The following MACROD2 variants were observed in gnomAD, a reference collection of about 807,000 sequenced individuals.
The protein encoded by MACROD2 is mono-ADP ribosylhydrolase 2.
A neutral mutation model predicts 70.4 loss-of-function variants in MACROD2; 36 were observed. The observed-to-expected ratio is 0.51, with a 90% CI of 0.39 to 0.68. The LOEUF (loss-of-function observed/expected upper bound fraction) is 0.68. Among genes scored for constraint, MACROD2 ranks in the 30% least tolerant of loss-of-function variants. The pLI is 0.00. For synonymous variants in MACROD2, 172 were observed against 178.8 expected (o/e 0.96, Z 0.30); for missense variants, 496 against 538.4 (o/e 0.92, Z 0.78).
chr20:14,746,581 C>G (rs2071802803), intron 5 of MACROD2, among the ~76,000 whole-genome samples: 1 of 152,122 alleles, frequency 6.6e-6, no homozygotes, highest in Non-Finnish European at 1.5e-5. Context: ...ATCACCCACG[C>G]ATTTCATTCT....
intron 5 of MACROD2, among the ~76,000 whole-genome samples, chr20:15,056,617 T>C (rs2123067320): frequency 6.6e-6 from 1 of 152,068 alleles, no homozygotes; most frequent in East Asian, 1.9e-4. Context: ...GTCCCAATTG[T>C]GTAAATTTAG....
chr20:15,624,467 T>C (rs2049173412), intron 8 of MACROD2, among the ~76,000 whole-genome samples: 1 of 152,184 alleles, frequency 6.6e-6, no homozygotes, highest in Non-Finnish European at 1.5e-5. Flanking sequence ...AGAGAACCTA[T>C]TGTCACCAAT....
At chr20:14,331,932 A>G (rs2082849544) in intron 3 of MACROD2, among the ~76,000 whole-genome samples, 1 of 152,164 alleles carries the variant, frequency 6.6e-6, no homozygotes, top group Non-Finnish European at 1.5e-5. Flanking sequence ...CTGTCCGCCT[A>G]GGCTTGAAAG....
chr20:15,813,668 A>G (rs1032864655), intron 8 of MACROD2, among the ~76,000 whole-genome samples: 2 of 152,104 alleles, frequency 1.3e-5, no homozygotes, highest in African/African-American at 4.8e-5. Context: ...GATCCCAGCT[A>G]CCCAGGAGGC....
chr20:14,064,465 A>G (rs1038867373), intron 2 of MACROD2, among the ~76,000 whole-genome samples: 2 of 152,156 alleles, frequency 1.3e-5, no homozygotes. Flanking sequence ...TTCTTTCCCA[A>G]GCTGGCTCTC....
chr20:16,036,897 C>G (rs755757547), intron 15 of MACROD2, among the ~76,000 whole-genome samples: 3 of 151,996 alleles, frequency 2.0e-5, no homozygotes, highest in Non-Finnish European at 4.4e-5. Context: ...AGGAAAACCT[C>G]ATGTGCACTC....
intron 5 of MACROD2, among the ~76,000 whole-genome samples, chr20:15,026,871 A>G (rs546441985): frequency 6.6e-6 from 1 of 152,338 alleles, no homozygotes; most frequent in African/African-American, 2.4e-5. Flanking sequence ...CTGATGTCTT[A>G]GTGGAAATCA....
intron 5 of MACROD2, among the ~76,000 whole-genome samples, chr20:15,063,837 T>A (rs1336930242): frequency 6.6e-6 from 1 of 152,176 alleles, no homozygotes; most frequent in Non-Finnish European, 1.5e-5. Context: ...GAAAATTAAG[T>A]GCTATTCTGT....
At chr20:15,597,960 T>C (rs1159173139) in intron 8 of MACROD2, among the ~76,000 whole-genome samples, 1 of 152,116 alleles carries the variant, frequency 6.6e-6, no homozygotes, top group East Asian at 1.9e-4. Flanking sequence ...GTGCCTGTAA[T>C]CCCAGCTGCT....
At chr20:15,765,431 A>C (rs1247244153) in intron 8 of MACROD2, among the ~76,000 whole-genome samples, 1 of 152,140 alleles carries the variant, frequency 6.6e-6, no homozygotes, top group Non-Finnish European at 1.5e-5. Flanking sequence ...CCTATTTACC[A>C]ATAAAGTGTG....
At chr20:14,916,612 T>A (rs1438048249) in intron 5 of MACROD2, among the ~76,000 whole-genome samples, 5 of 152,138 alleles carry the variant, frequency 3.3e-5, no homozygotes, top group African/African-American at 4.8e-5. Context: ...AAAATAGATA[T>A]GTGAGTGCAT....
At chr20:15,983,153 A>G (rs530711268) in intron 13 of MACROD2, among the ~76,000 whole-genome samples, 1 of 152,224 alleles carries the variant, frequency 6.6e-6, no homozygotes, top group African/African-American at 2.4e-5. Context: ...ATTGACTGTC[A>G]TCTACTAAAA....
chr20:14,855,308 C>T (rs1408558875), intron 5 of MACROD2, among the ~76,000 whole-genome samples: 3 of 152,124 alleles, frequency 2.0e-5, no homozygotes, highest in African/African-American at 7.2e-5. Flanking sequence ...CATTAACTAG[C>T]TTGTTACCAT....
At chr20:15,707,947 G>A (rs766947321) in intron 8 of MACROD2, among the ~76,000 whole-genome samples, 1 of 151,852 alleles carries the variant, frequency 6.6e-6, no homozygotes, top group African/African-American at 2.4e-5. Flanking sequence ...TTCTCTTAAA[G>A]GCAGTGATGC....
At chr20:15,793,513 G>A (rs1282318414) in intron 8 of MACROD2, among the ~76,000 whole-genome samples, 1 of 151,838 alleles carries the variant, frequency 6.6e-6, no homozygotes, top group African/African-American at 2.4e-5. Flanking sequence ...TAAGATTCTG[G>A]GGCATTTTAA....
At chr20:16,013,780 C>T (rs141114507) in intron 15 of MACROD2, among the ~76,000 whole-genome samples, 3 of 152,344 alleles carry the variant, frequency 2.0e-5, no homozygotes, top group African/African-American at 4.8e-5. Context: ...TTTACCACCT[C>T]GCAGATTCCT....
intron 9 of MACROD2, among the ~76,000 whole-genome samples, chr20:15,884,767 C>A (rs1258653158): frequency 1.3e-5 from 2 of 152,076 alleles, no homozygotes; most frequent in Non-Finnish European, 2.9e-5. Flanking sequence ...AACAAAATAT[C>A]ATAGACTCAG....
intron 8 of MACROD2, among the ~76,000 whole-genome samples, chr20:15,567,621 A>G (rs1456860548): frequency 6.6e-6 from 1 of 152,230 alleles, no homozygotes; most frequent in South Asian, 2.1e-4. Flanking sequence ...CAACAACTTG[A>G]AGGCCTTAAT....
chr20:15,763,036 G>A lies in MACROD2; in HGVS notation c.646-99709G>A, dbSNP rs80119768. 2.9e-3 allele frequency among the ~76,000 whole-genome samples: 440 copies of A among 152,278 alleles called. 2 individuals carry two copies. The highest frequency in any genetic ancestry group is 0.01 in the African/African-American group (422 of 41,556). Reference sequence around the variant, plus strand: ...TATTTTGGTTTTCCTTTAGAAAGCTGTAACCATTCTATTTGCTGCTCAGTT... The same window carrying A: ...TATTTTGGTTTTCCTTTAGAAAGCTATAACCATTCTATTTGCTGCTCAGTT... On this transcript the variant is annotated intron_variant, in intron 8 of 17. Transcript: ENST00000684519.
Sources: gnomAD v4.1 joint callset for allele counts (sites outside exome capture counted in the v4.1 genomes callset) on GRCh38, gnomAD v4.1.1 for gene constraint, MANE v1.5 for transcripts, NCBI Gene and HGNC (gene_info 2026-07-23, HGNC 2026-07-21) for gene names.